The following DENND11 variants were observed in gnomAD, a reference collection of about 807,000 sequenced individuals.
DENND11 encodes the protein DENN domain-containing protein 11.
A neutral mutation model predicts 49.2 loss-of-function variants in DENND11; 34 were observed. The ratio of observed to expected loss-of-function variants is 0.69; its 90% CI spans 0.53 to 0.92. The LOEUF (loss-of-function observed/expected upper bound fraction) is 0.92, where lower values mean the gene tolerates loss of function less well. Ranked by LOEUF, DENND11 falls within the 40% of genes least tolerant of loss-of-function variation. The pLI is 0.00. For synonymous variants in DENND11, 238 were observed against 230.3 expected, an observed-to-expected ratio of 1.03 and a Z score of -0.30; for missense variants, 475 against 581.6, an observed-to-expected ratio of 0.82 and a Z score of 1.88.
intron 1 of DENND11, among the ~76,000 whole-genome samples, chr7:141,694,293 C>T (rs1352605469): frequency 3.3e-5 from 5 of 151,988 alleles, no homozygotes; most frequent in Non-Finnish European, 7.4e-5. Context: ...TATTAAGAGA[C>T]AGGATTGCCC....
intron 3 of DENND11, among the ~76,000 whole-genome samples, chr7:141,675,311 C>G (rs1798047268): frequency 6.6e-6 from 1 of 152,156 alleles, no homozygotes; most frequent in Non-Finnish European, 1.5e-5. Context: ...AGGGAACTCA[C>G]ACTGCTGAGA....
chr7:141,664,787 T>A, intron 7 of DENND11, 117 bp downstream of exon 7: 1 of 1,198,916 alleles, frequency 8.3e-7, no homozygotes, highest in South Asian at 1.5e-5. Context: ...CCAGGCAGCA[T>A]GGAGACTGGG....
At position 141,672,527 on chromosome 7, in the gene DENND11, T is replaced by A. The variant is rs116060209; in HGVS notation, c.681+1540A>T. On this transcript the variant is annotated intron_variant, in intron 4 of 8. Transcript: ENST00000536163. ...TGAGGCCTTCAGTTCAAAACATCCC[T>A]CAAGAAATTCGATCCTGCCAACACC... Among the ~76,000 whole-genome samples, 609 of 152,248 alleles carry A rather than the reference T, an allele frequency of 4.0e-3. 4 individuals are homozygous for A. The highest frequency in any genetic ancestry group is 0.014 in the African/African-American group (566 of 41,550).
chr7:141,687,697 C>T (rs1488637482), intron 1 of DENND11, among the ~76,000 whole-genome samples: 14 of 145,034 alleles, frequency 9.7e-5, no homozygotes, highest in Admixed American at 2.9e-4. Context: ...TGCAGTGGCG[C>T]GATCTCGGCT....
rs1210405926 is a variant in DENND11, at chr7:141,699,497, CAA to C, written c.268+2387_268+2388del. Among the ~76,000 whole-genome samples the C allele has an allele frequency of 2.0e-5, 3 of 152,208 alleles. No individual in the cohort carries two copies. In the East Asian group the frequency reaches 5.8e-4, roughly 29 times the overall value. ...TGCCATTTAGGACTAGGATAGATGA[CAA>C]AAGAGACAAACACATTTATGGTCAG... On this transcript the variant is annotated intron_variant, in intron 1 of 8. Coordinates refer to ENST00000536163, the MANE Select transcript of DENND11 (RefSeq NM_001080392.2).
At chr7:141,690,494 T>C (rs1025700157) in intron 1 of DENND11, among the ~76,000 whole-genome samples, 3 of 152,200 alleles carry the variant, frequency 2.0e-5, no homozygotes, top group African/African-American at 7.2e-5. Flanking sequence ...CAGCCTTATA[T>C]AGATTGTCTA....
Position 141,662,265 on chromosome 7 carries a change from A to T in DENND11, c.*391T>A, listed in dbSNP as rs146649806. 1.0e-3 allele frequency: 186 copies of T among 182,388 alleles called. 2 individuals carry two copies. The highest frequency in any genetic ancestry group is 4.2e-3 in the African/African-American group (178 of 42,874). The allele number at this position is 182,388 out of a possible 1,614,324, so 11.3% of individuals were successfully genotyped here. ...TCTGCCTTTAGGCAGATGAACATCT[A>T]AGGCCACAGGGGACAGGTGGTTGTC... On this transcript the variant is annotated 3_prime_UTR_variant, in exon 9 of 9. Transcript: ENST00000536163.
chr7:141,684,164 T>C (rs1018367177), intron 3 of DENND11, among the ~76,000 whole-genome samples: 1 of 152,188 alleles, frequency 6.6e-6, no homozygotes, highest in African/African-American at 2.4e-5. Context: ...TGGCTTCAAC[T>C]GATCCTCCTA....
chr7:141,685,029 A>AAAAAATATATATAT (rs1305276426), intron 3 of DENND11, among the ~76,000 whole-genome samples: 2 of 91,542 alleles, frequency 2.2e-5, no homozygotes, highest in African/African-American at 4.3e-5. Context: ...AAAAAAAAAA[A>AAAAAATATATATAT]ATATATATAT....
intron 1 of DENND11, among the ~76,000 whole-genome samples, chr7:141,689,714 C>T (rs1798295310): frequency 6.6e-6 from 1 of 152,206 alleles, no homozygotes; most frequent in South Asian, 2.1e-4. Context: ...ATTTGTACAA[C>T]AGAAACCTCC....
At chr7:141,686,515 TGGG>T in intron 2 of DENND11, 41 bp downstream of exon 2, 1 of 1,253,704 alleles carries the variant, frequency 8.0e-7, no homozygotes, top group Non-Finnish European at 1.2e-6. Context: ...AGTGTGGAGG[TGGG>T]GGGAATGGTA....
Position 141,665,332 on chromosome 7 carries a change from G to A in DENND11, c.821-14C>T, listed in dbSNP as rs374201311. 11 of 1,613,682 alleles carry A rather than the reference G, an allele frequency of 6.8e-6. No homozygotes were observed. Among genetic ancestry groups the A allele is most frequent in the South Asian group, 1.1e-5 (1 of 90,920 alleles). On this transcript the variant is annotated splice_polypyrimidine_tract_variant and intron_variant, in intron 5 of 8. Transcript: ENST00000536163. Reference sequence around the variant, plus strand: ...AGCAGCAGTACACTGTGGGGATAGAGGAGGTGAGCGGGGAGGGTCTGCCCC... The same window carrying A: ...AGCAGCAGTACACTGTGGGGATAGAAGAGGTGAGCGGGGAGGGTCTGCCCC...
At chr7:141,665,102 G>T in intron 6 of DENND11, 48 bp from the exon 7 acceptor site, 3 of 1,609,936 alleles carry the variant, frequency 1.9e-6, no homozygotes, top group Non-Finnish European at 2.5e-6. Flanking sequence ...GACCCCACTG[G>T]GAAACAAGGC....
chr7:141,677,710 G>C (rs1026297928), intron 3 of DENND11, among the ~76,000 whole-genome samples: 2 of 151,332 alleles, frequency 1.3e-5, no homozygotes, highest in African/African-American at 4.9e-5. Flanking sequence ...CTCCTTCTCG[G>C]AGTGAGGCCT....
chr7:141,665,370 C>T, intron 5 of DENND11, 52 bp from the exon 6 acceptor site: 2 of 1,607,490 alleles, frequency 1.2e-6, no homozygotes, highest in Non-Finnish European at 1.7e-6. Flanking sequence ...CACAGCCCTT[C>T]CTCCCTCGGA....
chr7:141,678,525 G>A (rs1454248495), intron 3 of DENND11, among the ~76,000 whole-genome samples: 1 of 152,134 alleles, frequency 6.6e-6, no homozygotes, highest in Non-Finnish European at 1.5e-5. Context: ...AGAAGAGAAT[G>A]AACCCCATGT....
At chr7:141,691,416 T>C (rs1022349418) in intron 1 of DENND11, among the ~76,000 whole-genome samples, 5 of 152,220 alleles carry the variant, frequency 3.3e-5, no homozygotes, top group Non-Finnish European at 7.3e-5. Context: ...GGGCTTCTAG[T>C]ATTCATGTCC....
At chr7:141,691,215 C>A (rs934741173) in intron 1 of DENND11, among the ~76,000 whole-genome samples, 4 of 152,326 alleles carry the variant, frequency 2.6e-5, no homozygotes, top group Admixed American at 2.6e-4. Context: ...GCCCCTTTCT[C>A]CACCCTGCTA....
Position 141,662,100 on chromosome 7 carries a change from C to T in DENND11, c.*556G>A, listed in dbSNP as rs538735799. 2 of 152,362 alleles carry T rather than the reference C, an allele frequency of 1.3e-5. No individual in the cohort carries two copies. Among genetic ancestry groups the T allele is most frequent in the African/African-American group, 2.4e-5 (1 of 41,540 alleles). The allele number at this position is 152,362 out of a possible 1,614,324, so 9.4% of individuals were successfully genotyped here. ...GCTCATATTTGGTGTCAGAAACATCCTTTTTTCCCTCTTTGTGGTCCCTAC... is the reference window on the plus strand; with the variant it reads ...GCTCATATTTGGTGTCAGAAACATCTTTTTTTCCCTCTTTGTGGTCCCTAC... On this transcript the variant is annotated 3_prime_UTR_variant, in exon 9 of 9. Coordinates refer to ENST00000536163, the MANE Select transcript of DENND11 (RefSeq NM_001080392.2).
Sources: gnomAD v4.1 joint callset for allele counts (sites outside exome capture counted in the v4.1 genomes callset) on GRCh38, gnomAD v4.1.1 for gene constraint, MANE v1.5 for transcripts, NCBI Gene and HGNC (gene_info 2026-07-23, HGNC 2026-07-21) for gene names.